Variants in LIN52 observed in about 807,000 individuals in gnomAD.
The protein encoded by LIN52 is lin-52 DREAM MuvB core complex component.
In LIN52, 4 loss-of-function variants were observed where a neutral mutation model predicts 18.5. The ratio of observed to expected loss-of-function variants is 0.22; its 90% confidence interval spans 0.11 to 0.49. LIN52 has a LOEUF of 0.49. Among genes scored for constraint, LIN52 ranks in the 20% least tolerant of loss-of-function variants. The pLI is 0.97. For missense variants in LIN52, 102 were observed against 139.5 expected, an observed-to-expected ratio of 0.73 and a Z score of 1.35; for synonymous variants, 34 against 45.5, an observed-to-expected ratio of 0.75 and a Z score of 1.02.
In LIN52 at chr14:74,137,521, T is replaced by C. The variant is rs2061105153; in HGVS notation, c.283+36283T>C. On this transcript the variant is annotated intron_variant, in intron 5 of 5. Coordinates refer to ENST00000555028, the MANE Select transcript of LIN52 (RefSeq NM_001024674.3). ...CTCTTTTTTTTTTTTTTTTTTGAGA[T>C]GGAGTCTTGCTCTGTTGCCCAGGCT... Among the ~76,000 whole-genome samples the C allele has an allele frequency of 2.8e-5, 4 of 144,850 alleles. No homozygotes were observed. The South Asian group carries it at 8.9e-4, about 32-fold the overall frequency.
At chr14:74,189,445 G>GT (rs1209970959) in intron 5 of LIN52, among the ~76,000 whole-genome samples, 7 of 152,190 alleles carry the variant, frequency 4.6e-5, no homozygotes, top group African/African-American at 1.4e-4. Context: ...AAATAGACCT[G>GT]TCAGGTCCTC....
At chr14:74,135,986 T>A (rs902669505) in intron 5 of LIN52, among the ~76,000 whole-genome samples, 1 of 152,236 alleles carries the variant, frequency 6.6e-6, no homozygotes, top group Non-Finnish European at 1.5e-5. Flanking sequence ...AGTTTTCTCC[T>A]TTTCTTTTTC....
chr14:74,197,962 C>T (rs931134365), intron 5 of LIN52, among the ~76,000 whole-genome samples: 7 of 152,310 alleles, frequency 4.6e-5, no homozygotes, highest in East Asian at 1.9e-4. Flanking sequence ...TTGGCCAGGA[C>T]GGAGATGTGT....
intron 5 of LIN52, among the ~76,000 whole-genome samples, chr14:74,130,218 T>A (rs1042844778): frequency 1.4e-5 from 2 of 143,734 alleles, no homozygotes; most frequent in African/African-American, 2.6e-5. Context: ...TCAAAAAAAA[T>A]AAATAAATTA....
intron 5 of LIN52, among the ~76,000 whole-genome samples, chr14:74,133,318 C>T (rs922002515): frequency 6.6e-6 from 1 of 152,118 alleles, no homozygotes; most frequent in Non-Finnish European, 1.5e-5. Context: ...TTTTTCCCTT[C>T]CTATACTATT....
At chr14:74,194,272 A>G (rs1042150906) in intron 5 of LIN52, among the ~76,000 whole-genome samples, 1 of 152,222 alleles carries the variant, frequency 6.6e-6, no homozygotes, top group South Asian at 2.1e-4. Flanking sequence ...ACCAGCCACC[A>G]GAAAAATTTA....
intron 5 of LIN52, among the ~76,000 whole-genome samples, chr14:74,182,672 A>G (rs1406989004): frequency 1.3e-5 from 2 of 152,148 alleles, no homozygotes; most frequent in Non-Finnish European, 2.9e-5. Context: ...AACTTAAGCT[A>G]TTCCTTTTTG....
At chr14:74,143,605 T>C (rs552708837) in intron 5 of LIN52, among the ~76,000 whole-genome samples, 1 of 70,026 alleles carries the variant, frequency 1.4e-5, no homozygotes, top group East Asian at 4.1e-4. Context: ...AAGAATTTAC[T>C]GTGAAGTTTT....
At chr14:74,166,079 C>T (rs1204111415) in intron 5 of LIN52, among the ~76,000 whole-genome samples, 4 of 149,998 alleles carry the variant, frequency 2.7e-5, no homozygotes, top group South Asian at 4.2e-4. Flanking sequence ...TTACTGGAGA[C>T]GGGGTTTCTC....
At chr14:74,189,958 A>G (rs919625021) in intron 5 of LIN52, among the ~76,000 whole-genome samples, 19 of 152,316 alleles carry the variant, frequency 1.2e-4, no homozygotes, top group Non-Finnish European at 2.6e-4. Flanking sequence ...GAATTGAAGA[A>G]AAAAAGTTTG....
Position 74,128,391 on chromosome 14 carries a change from C to G in LIN52, c.283+27153C>G, listed in dbSNP as rs144882671. ...TTAGCTGAGGACTGATCAGCACATT[C>G]ATGTGAGGGAGCTTCTTGAGGATGA... On this transcript the variant is annotated intron_variant, in intron 5 of 5. Transcript: ENST00000555028. Among the ~76,000 whole-genome samples the G allele has an allele frequency of 2.5e-3, 380 of 152,222 alleles. 2 individuals carry two copies. The highest frequency in any genetic ancestry group is 8.9e-3 in the African/African-American group (370 of 41,538).
chr14:74,163,438 A>G (rs889419940), intron 5 of LIN52, among the ~76,000 whole-genome samples: 1 of 152,136 alleles, frequency 6.6e-6, no homozygotes. Flanking sequence ...CTCGCTCTCT[A>G]GAAAGAATAT....
At chr14:74,130,278 G>GTTTTTTTTTT (rs71460958) in intron 5 of LIN52, among the ~76,000 whole-genome samples, 8,897 of 63,712 alleles carry the variant, frequency 0.14, 1,558 homozygotes, top group Admixed American at 0.2. Context: ...GCATTTTTTG[G>GTTTTTTTTTT]TTTTTTTTTT....
chr14:74,120,246 T>A (rs2060991300), intron 5 of LIN52, among the ~76,000 whole-genome samples: 1 of 152,234 alleles, frequency 6.6e-6, no homozygotes, highest in South Asian at 2.1e-4. Context: ...AGCTTCCCTT[T>A]TAATTTTCTT....
chr14:74,156,645 G>A (rs1165547834), intron 5 of LIN52, among the ~76,000 whole-genome samples: 1 of 152,044 alleles, frequency 6.6e-6, no homozygotes, highest in African/African-American at 2.4e-5. Flanking sequence ...TCTTTGTGTT[G>A]GGAACATTCA....
intron 3 of LIN52, among the ~76,000 whole-genome samples, chr14:74,097,272 T>C (rs1230008889): frequency 1.3e-5 from 2 of 152,214 alleles, no homozygotes; most frequent in Non-Finnish European, 2.9e-5. Flanking sequence ...CAGTGATTTC[T>C]CTGAGACTGA....
chr14:74,179,384 G>A (rs948903206), intron 5 of LIN52, among the ~76,000 whole-genome samples: 1 of 152,106 alleles, frequency 6.6e-6, no homozygotes, highest in Non-Finnish European at 1.5e-5. Flanking sequence ...TTTGGGCCGG[G>A]CATGGTGACT....
rs1972565 is a variant in LIN52 at position 74,200,121 on chromosome 14, A to G, written c.*1144A>G. Reference sequence around the variant, plus strand: ...CATGGAGTTTCCTAAACTTTGCACAAAAGAATATCCTGGGGCCGGGCATGG... The same window carrying G: ...CATGGAGTTTCCTAAACTTTGCACAGAAGAATATCCTGGGGCCGGGCATGG... On this transcript the variant is annotated 3_prime_UTR_variant, in exon 6 of 6. Coordinates refer to ENST00000555028, the MANE Select transcript of LIN52 (RefSeq NM_001024674.3). The G allele has an allele frequency of 0.75, 113,357 of 150,256 alleles. 43,395 individuals carry two copies. Among genetic ancestry groups the G allele is most frequent in the Non-Finnish European group, 0.81 (54,949 of 67,542 alleles). The allele number at this position is 150,256 out of a possible 1,614,324, so 9.3% of individuals were successfully genotyped here. A position where few individuals can be genotyped will look rare whatever the true frequency, so the allele number is the denominator to read the frequency against.
chr14:74,153,566 A>G (rs2061186153), intron 5 of LIN52, among the ~76,000 whole-genome samples: 1 of 148,716 alleles, frequency 6.7e-6, no homozygotes, highest in Non-Finnish European at 1.5e-5. Context: ...TTTTTTTGAG[A>G]CAGAATTTCT....
Sources: gnomAD v4.1 joint callset for allele counts (sites outside exome capture counted in the v4.1 genomes callset) on GRCh38, gnomAD v4.1.1 for gene constraint, MANE v1.5 for transcripts, NCBI Gene and HGNC (gene_info 2026-07-23, HGNC 2026-07-21) for gene names.